The following IMMP2L variants were observed in gnomAD, a reference collection of about 807,000 sequenced individuals.
IMMP2L encodes mitochondrial inner membrane protease subunit 2.
In IMMP2L, 18 loss-of-function variants were observed where a neutral mutation model predicts 19.3. The observed-to-expected ratio is 0.93, with a 90% confidence interval of 0.64 to 1.38. The LOEUF is 1.38. Among genes scored for constraint, IMMP2L ranks in the 40% most tolerant of loss-of-function variants. The pLI, the probability that IMMP2L is intolerant of heterozygous loss-of-function variation, is 0.00. For synonymous variants in IMMP2L, 76 were observed against 73.0 expected (o/e 1.04, Z -0.21); for missense variants, 233 against 218.2 (o/e 1.07, Z -0.43).
intron 3 of IMMP2L, among the ~76,000 whole-genome samples, chr7:111,462,111 A>C (rs1447428310): frequency 6.6e-6 from 1 of 151,582 alleles, no homozygotes; most frequent in Non-Finnish European, 1.5e-5. Flanking sequence ...TTTAATAATA[A>C]ATATTCTAAA....
At chr7:111,418,641 C>A (rs561172266) in intron 3 of IMMP2L, among the ~76,000 whole-genome samples, 1 of 151,850 alleles carries the variant, frequency 6.6e-6, no homozygotes, top group African/African-American at 2.4e-5. Flanking sequence ...CATTTACAGT[C>A]ATGGTTATTT....
At chr7:110,905,128 G>A (rs2129547647) in intron 4 of IMMP2L, among the ~76,000 whole-genome samples, 1 of 152,124 alleles carries the variant, frequency 6.6e-6, no homozygotes, top group South Asian at 2.1e-4. Flanking sequence ...TTACTGATGG[G>A]ACTTCTCTCC....
chr7:111,339,301 T>C (rs1826775467), intron 3 of IMMP2L, among the ~76,000 whole-genome samples: 1 of 151,890 alleles, frequency 6.6e-6, no homozygotes, highest in Non-Finnish European at 1.5e-5. Flanking sequence ...GCACCAGCCA[T>C]GAAGCTAAGT....
At chr7:110,981,661 A>T (rs779645104) in intron 3 of IMMP2L, among the ~76,000 whole-genome samples, 3 of 152,144 alleles carry the variant, frequency 2.0e-5, no homozygotes, top group Non-Finnish European at 4.4e-5. Flanking sequence ...TATTCATTAG[A>T]GTGCTGATTC....
chr7:111,213,428 A>T lies in IMMP2L; in HGVS notation c.240-249863T>A, dbSNP rs913703806. Among the ~76,000 whole-genome samples the T allele has an allele frequency of 6.6e-6, 1 of 152,108 alleles. No homozygotes were observed. Among genetic ancestry groups the T allele is most frequent in the African/African-American group, 2.4e-5 (1 of 41,418 alleles). On this transcript the variant is annotated intron_variant, in intron 3 of 5. Transcript: ENST00000405709. This position sits in a 1 kb window ranked among gnomAD's most constrained non-coding sequence, Gnocchi z 4.8. ...TGCCATGAACTGTGGCAGGAGGCAG[A>T]CGCGCTCCTGAGTGGAAGGGGGTGG...
intron 3 of IMMP2L, among the ~76,000 whole-genome samples, chr7:111,432,532 T>C (rs528594690): frequency 6.6e-6 from 1 of 151,694 alleles, no homozygotes; most frequent in South Asian, 2.1e-4. Flanking sequence ...GTGATAAAAA[T>C]CCTCAACAAA....
chr7:111,496,625 G>A (rs1843619323), intron 2 of IMMP2L, among the ~76,000 whole-genome samples: 1 of 152,064 alleles, frequency 6.6e-6, no homozygotes, highest in Admixed American at 6.6e-5. Flanking sequence ...CCTGACGCTG[G>A]GACAACCTTC....
intron 5 of IMMP2L, among the ~76,000 whole-genome samples, chr7:110,817,132 A>G (rs1232434296): frequency 6.6e-6 from 1 of 152,064 alleles, no homozygotes; most frequent in Non-Finnish European, 1.5e-5. Context: ...CAGGAGAAGG[A>G]AATAAAGGGT....
chr7:110,766,420 G>A lies in IMMP2L; in HGVS notation c.409-102699C>T, dbSNP rs139966664. 3.9e-3 allele frequency among the ~76,000 whole-genome samples: 595 copies of A among 151,726 alleles called. 4 individuals are homozygous for A. Among genetic ancestry groups the A allele is most frequent in the Non-Finnish European group, 6.4e-3 (436 of 67,898 alleles). On this transcript the variant is annotated intron_variant, in intron 5 of 5. Coordinates refer to ENST00000405709, the MANE Select transcript of IMMP2L (RefSeq NM_032549.4). ...AACTTGGCCCACATGGCGAAGTCCC[G>A]TCTCTACTAAAAAATGCATATATTA... is the stretch of plus-strand genomic sequence containing the variant.
chr7:111,072,484 A>T (rs957049193), intron 3 of IMMP2L, among the ~76,000 whole-genome samples: 12 of 152,094 alleles, frequency 7.9e-5, no homozygotes, highest in Non-Finnish European at 1.8e-4. Context: ...AAAATGTGTA[A>T]CCTCAATCCA....
chr7:111,050,575 G>T (rs1792912174), intron 3 of IMMP2L, among the ~76,000 whole-genome samples: 1 of 152,034 alleles, frequency 6.6e-6, no homozygotes, highest in African/African-American at 2.4e-5. Context: ...TTTTTGCCTG[G>T]CAGATTGACA....
chr7:110,929,117 G>GA (rs1306551281), intron 4 of IMMP2L, among the ~76,000 whole-genome samples: 5 of 151,658 alleles, frequency 3.3e-5, no homozygotes, highest in Admixed American at 6.6e-5. Flanking sequence ...CTGAAAGTCA[G>GA]AAAAAAAAGG....
At chr7:111,043,632 A>G (rs941106340) in intron 3 of IMMP2L, among the ~76,000 whole-genome samples, 1 of 152,236 alleles carries the variant, frequency 6.6e-6, no homozygotes, top group African/African-American at 2.4e-5. Flanking sequence ...GCTATGTTTC[A>G]ATACTGGAAA....
chr7:110,778,917 C>T (rs985042058), intron 5 of IMMP2L, among the ~76,000 whole-genome samples: 13 of 151,980 alleles, frequency 8.6e-5, no homozygotes, highest in Non-Finnish European at 1.0e-4. Context: ...ATCAAGTCAT[C>T]GGGTTAAAAT....
chr7:111,038,596 G>T (rs1025571042), intron 3 of IMMP2L, among the ~76,000 whole-genome samples: 1 of 152,218 alleles, frequency 6.6e-6, no homozygotes, highest in African/African-American at 2.4e-5. Flanking sequence ...AGGAGTTCTG[G>T]TTTGTTCAGT....
intron 1 of IMMP2L, among the ~76,000 whole-genome samples, chr7:111,560,694 A>G (rs1343573464): frequency 6.6e-6 from 1 of 152,198 alleles, no homozygotes; most frequent in Non-Finnish European, 1.5e-5. Context: ...GCCTACCCCA[A>G]AACAGCCATC....
At chr7:110,740,022 A>T (rs569000874) in intron 5 of IMMP2L, among the ~76,000 whole-genome samples, 3 of 152,186 alleles carry the variant, frequency 2.0e-5, no homozygotes, top group East Asian at 1.9e-4. Flanking sequence ...GAACGATAAT[A>T]GTGACACAAC....
intron 3 of IMMP2L, among the ~76,000 whole-genome samples, chr7:111,386,714 C>A (rs1406046936): frequency 6.6e-6 from 1 of 152,176 alleles, no homozygotes; most frequent in Non-Finnish European, 1.5e-5. Context: ...CCTGTGCGAT[C>A]ATAATCACTG....
chr7:110,989,440 G>C (rs762947685), intron 3 of IMMP2L, among the ~76,000 whole-genome samples: 1 of 150,642 alleles, frequency 6.6e-6, no homozygotes, highest in Non-Finnish European at 1.5e-5. Context: ...CCAGCAACTC[G>C]GGAGGCTGAG....
Sources: allele counts gnomAD v4.1 joint callset (sites outside exome capture counted in the v4.1 genomes callset), GRCh38; gene constraint gnomAD v4.1.1; non-coding constraint Gnocchi (gnomAD v3.1); transcripts MANE v1.5; gene names NCBI Gene and HGNC (gene_info 2026-07-23, HGNC 2026-07-21).